The following PMM1 variants were observed in gnomAD, a reference collection of about 807,000 sequenced individuals.
PMM1 encodes the protein brain glucose-1,6-bisphosphatase.
PMM1 carries 25 observed loss-of-function variants against 34.0 expected under a neutral mutation model. That is an observed-to-expected ratio of 0.73 (90% CI 0.54 to 1.03). The LOEUF (loss-of-function observed/expected upper bound fraction) is 1.03. Among genes scored for constraint, PMM1 ranks in the 50% least tolerant of loss-of-function variants. The pLI, the probability that PMM1 is intolerant of heterozygous loss-of-function variation, is 0.00. For missense variants in PMM1, 321 were observed against 350.1 expected, an observed-to-expected ratio of 0.92 and a Z score of 0.66; for synonymous variants, 134 against 143.9, an observed-to-expected ratio of 0.93 and a Z score of 0.49.
chr22:41,583,833 T>C, intron 5 of PMM1, 126 bp downstream of exon 5: 1 of 686,040 alleles, frequency 1.5e-6, no homozygotes, highest in Non-Finnish European at 2.6e-6. Flanking sequence ...ACACAGTAGG[T>C]GCCTGAAAGG....
chr22:41,577,610 G>A, intron 7 of PMM1, 170 bp from the exon 8 acceptor site: 2 of 875,374 alleles, frequency 2.3e-6, no homozygotes, highest in South Asian at 3.3e-5. Context: ...CAAGTGCCCA[G>A]CCTCTTGGGG....
chr22:41,578,191 G>A (rs904890603), intron 6 of PMM1, among the ~76,000 whole-genome samples: 11 of 152,152 alleles, frequency 7.2e-5, no homozygotes, highest in African/African-American at 1.2e-4. Context: ...GACCTGAGCC[G>A]AGTGGGGATG....
chr22:41,588,838 A>C, intron 1 of PMM1: 1 of 985,380 alleles, frequency 1.0e-6, no homozygotes, highest in African/African-American at 1.7e-5. Flanking sequence ...CTGCTCCCCC[A>C]CGCTAGGAGA....
At chr22:41,577,993 G>T (rs2067194338) in intron 6 of PMM1, 70 bp from the exon 7 acceptor site, 4 of 1,157,072 alleles carry the variant, frequency 3.5e-6, no homozygotes, top group African/African-American at 1.5e-5. Flanking sequence ...AGGGCTGCTT[G>T]TTCATTCATT....
At chr22:41,578,665 G>A (rs561197157) in intron 6 of PMM1, 141 bp downstream of exon 6, 53 of 652,760 alleles carry the variant, frequency 8.1e-5, no homozygotes, top group Middle Eastern at 4.0e-4. Flanking sequence ...TTTCTGCATC[G>A]GGCTCAGCCA....
At chr22:41,585,788 G>A (rs1448695591) in intron 2 of PMM1, among the ~76,000 whole-genome samples, 1 of 152,020 alleles carries the variant, frequency 6.6e-6, no homozygotes, top group Non-Finnish European at 1.5e-5. Context: ...CCACTGTGCC[G>A]GCTGGTTCAG....
intron 1 of PMM1, among the ~76,000 whole-genome samples, chr22:41,587,178 G>A (rs550654256): frequency 1.4e-3 from 205 of 150,840 alleles, no homozygotes; most frequent in African/African-American, 4.8e-3. Context: ...GCTGAGGCAG[G>A]AGAATGGCGT....
At chr22:41,588,454 C>T (rs1308882856) in intron 1 of PMM1, among the ~76,000 whole-genome samples, 2 of 152,224 alleles carry the variant, frequency 1.3e-5, no homozygotes, top group African/African-American at 4.8e-5. Flanking sequence ...CTCCTGACAT[C>T]GTGATCTGTC....
At chr22:41,587,844 C>T (rs73887745) in intron 1 of PMM1, among the ~76,000 whole-genome samples, 1,584 of 152,286 alleles carry the variant, frequency 0.01, 27 homozygotes, top group African/African-American at 0.037. Context: ...TTCTCTGTTA[C>T]GTTTCCATTC....
chr22:41,586,345 G>A, intron 1 of PMM1, 152 bp from the exon 2 acceptor site: 1 of 1,417,758 alleles, frequency 7.1e-7, no homozygotes, highest in Non-Finnish European at 9.2e-7. Flanking sequence ...TAGACAGGTT[G>A]GACACTGTGG....
Position 41,586,129 on chromosome 22 carries a change from A to C in PMM1, c.152T>G (p.Val51Gly). ...GATCTTACAGTAGTCAGAGCCGCCC[A>C]CCACACCGATCTGCACTCTACTTCG... is the stretch of plus-strand genomic sequence containing the variant. ...KLRSRVQIGV[V>G]GGSDYCKIAE... is the part of the protein sequence containing the mutation. The change falls in exon 2 of 8, where the codon GTG becomes GGG. Residue 51 changes from valine to glycine, a missense_variant. Physicochemically the swap from Val to Gly is moderately radical, Grantham distance 109 (BLOSUM62 -3). Transcript: ENST00000216259. The C allele has an allele frequency of 1.2e-6, 2 of 1,612,852 alleles. No homozygotes were observed. Among genetic ancestry groups the C allele is most frequent in the Non-Finnish European group, 1.7e-6 (2 of 1,179,584 alleles).
intron 5 of PMM1, among the ~76,000 whole-genome samples, chr22:41,583,397 G>A (rs1443998942): frequency 6.6e-6 from 1 of 152,152 alleles, no homozygotes; most frequent in African/African-American, 2.4e-5. Flanking sequence ...CAGGAGAATC[G>A]CTTGAACACG....
intron 5 of PMM1, 48 bp from the exon 6 acceptor site, chr22:41,578,929 C>T: frequency 1.3e-6 from 2 of 1,533,634 alleles, no homozygotes; most frequent in South Asian, 1.1e-5. Context: ...CTGCTGTGTG[C>T]CAGGCCCTGG....
Position 41,578,849 on chromosome 22 carries a change from G to A in PMM1, c.507C>T (p.Ala169=). ...CTTTGCCAGCAAACTCTGTTTTCAG[G>A]GCTTCCACGAACTTCTCCCGGATCT... ...KEKIREKFVE[A]LKTEFAGKGL... The change falls in exon 6 of 8, where the codon GCC becomes GCT. Residue 169 remains alanine (A), a synonymous_variant. Coordinates refer to ENST00000216259, the MANE Select transcript of PMM1 (RefSeq NM_002676.3). 2 of 1,614,004 alleles carry A rather than the reference G, an allele frequency of 1.2e-6. No homozygotes were observed. Among genetic ancestry groups the A allele is most frequent in the Non-Finnish European group, 1.7e-6 (2 of 1,179,970 alleles).
rs754340588 is a variant in PMM1 at position 41,584,266 on chromosome 22, C to G, written c.374+15G>C. 7.4e-6 allele frequency: 12 copies of G among 1,611,324 alleles called. No individual in the cohort carries two copies. The East Asian group carries it at 2.7e-4, about 36-fold the overall frequency. ...CAGGCCCCAGGTTCTGGAGACCAGG[C>G]TGGTGGGACCTCACCGCTTCTTGGG... On this transcript the variant is annotated intron_variant, in intron 4 of 7. Coordinates refer to ENST00000216259, the MANE Select transcript of PMM1 (RefSeq NM_002676.3).
At position 41,584,534 on chromosome 22, in the gene PMM1, G is replaced by A. The variant is rs369880874; in HGVS notation, c.275C>T (p.Ser92Phe). 1.9e-6 allele frequency: 3 copies of A among 1,613,172 alleles called. No homozygotes were observed. Among genetic ancestry groups the A allele is most frequent in the Non-Finnish European group, 8.5e-7 (1 of 1,179,298 alleles). The change falls in exon 3 of 8, where the codon TCC (serine) becomes TTC (phenylalanine). Residue 92 changes from serine (S) to phenylalanine (F), a missense_variant. Physicochemically the swap from Ser to Phe is radical, Grantham distance 155 (BLOSUM62 -2). Transcript: ENST00000216259. The stretch of plus-strand genomic sequence containing the variant: ...GCCCTGGGGGACACTGACCTGCTTG[G>A]AGAGCAGTCGTCCGTGCTTATACTG... ...TVQYKHGRLL[S>F]KQTIQNHLGE...
In PMM1 at chr22:41,586,197, T is replaced by TG. The variant is rs750213779; in HGVS notation, c.88-5dup. 5 of 1,607,086 alleles carry TG rather than the reference T, an allele frequency of 3.1e-6. No homozygotes were observed. Among genetic ancestry groups the TG allele is most frequent in the South Asian group, 1.1e-5 (1 of 90,914 alleles). ...CGGCCACCTCAGGGTCAATTTTCTA[T>TG]GGGGGGAGAGGGGAAGCATAGCATT... is the stretch of plus-strand genomic sequence containing the variant. On this transcript the variant is annotated splice_region_variant and splice_polypyrimidine_tract_variant and intron_variant, in intron 1 of 7. Coordinates refer to ENST00000216259, the MANE Select transcript of PMM1 (RefSeq NM_002676.3).
intron 1 of PMM1, among the ~76,000 whole-genome samples, chr22:41,587,142 G>A (rs1487665458): frequency 1.3e-5 from 2 of 151,838 alleles, no homozygotes; most frequent in African/African-American, 4.8e-5. Context: ...GGTGGCACGC[G>A]CCTGTAGTCC....
At position 41,577,941 on chromosome 22, in the gene PMM1, GA is replaced by G; in HGVS notation, c.551-19del. On this transcript the variant is annotated intron_variant, in intron 6 of 7. Coordinates refer to ENST00000216259, the MANE Select transcript of PMM1 (RefSeq NM_002676.3). ...CATGCCTCCTGTGGGCAGGGGTGGG[GA>G]CTGTTATTCCCTGCTGGGAGGGGCA... 6.4e-7 allele frequency: 1 copy of G among 1,572,632 alleles called. No homozygotes were observed. Among genetic ancestry groups the G allele is most frequent in the Non-Finnish European group, 8.7e-7 (1 of 1,143,070 alleles).
Sources: gnomAD v4.1 joint callset for allele counts (sites outside exome capture counted in the v4.1 genomes callset) on GRCh38, gnomAD v4.1.1 for gene constraint, MANE v1.5 for transcripts, NCBI Gene and HGNC (gene_info 2026-07-23, HGNC 2026-07-21) for gene names.